Variants in RYR3 observed in about 807,000 individuals in gnomAD.
RYR3 encodes the protein brain ryanodine receptor-calcium release channel.
Under a neutral mutation model 584.3 loss-of-function variants are expected in RYR3, and 207 were observed. That is an observed-to-expected ratio of 0.35 (90% confidence interval 0.32 to 0.40). RYR3 has a LOEUF of 0.40. Ranked by LOEUF, RYR3 falls within the 10% of genes least tolerant of loss-of-function variation. The pLI is 1.00. For synonymous variants in RYR3, 2,416 were observed against 2,248.5 expected (o/e 1.07, Z -2.11); for missense variants, 5,616 against 6,089.2 (o/e 0.92, Z 2.59).
At chr15:33,517,402 C>T (rs939425546) in intron 3 of RYR3, among the ~76,000 whole-genome samples, 11 of 152,258 alleles carry the variant, frequency 7.2e-5, no homozygotes, top group African/African-American at 2.7e-4. Flanking sequence ...ACTGCTGTAA[C>T]ACTACATTGG....
At chr15:33,593,394 G>A (rs1289668193) in intron 16 of RYR3, among the ~76,000 whole-genome samples, 1 of 152,102 alleles carries the variant, frequency 6.6e-6, no homozygotes, top group East Asian at 1.9e-4. Flanking sequence ...TTTTTAGGAG[G>A]TTGTGAAGTC....
intron 1 of RYR3, among the ~76,000 whole-genome samples, chr15:33,339,898 A>AAAG (rs1320031574): frequency 1.3e-5 from 2 of 151,920 alleles, no homozygotes; most frequent in East Asian, 3.9e-4. Context: ...CAAAAAAAAA[A>AAAG]AAAAAATTGC....
chr15:33,625,432 G>A (rs1318138110), intron 20 of RYR3, among the ~76,000 whole-genome samples: 1 of 152,218 alleles, frequency 6.6e-6, no homozygotes, highest in Non-Finnish European at 1.5e-5. Flanking sequence ...AGGAAATTGA[G>A]AGGGGGTTGT....
At chr15:33,451,293 G>T (rs1186592023) in intron 1 of RYR3, among the ~76,000 whole-genome samples, 2 of 152,110 alleles carry the variant, frequency 1.3e-5, no homozygotes, top group African/African-American at 4.8e-5. Flanking sequence ...ACCCTGTTCT[G>T]CTCCTTTCTC....
chr15:33,489,537 A>C (rs1465205190), intron 2 of RYR3, among the ~76,000 whole-genome samples: 1 of 152,228 alleles, frequency 6.6e-6, no homozygotes, highest in African/African-American at 2.4e-5. Context: ...AAGACGTAAC[A>C]TCGCTCTTTT....
chr15:33,396,545 T>C (rs1449587308), intron 1 of RYR3, among the ~76,000 whole-genome samples: 1 of 152,210 alleles, frequency 6.6e-6, no homozygotes, highest in African/African-American at 2.4e-5. Flanking sequence ...CGGGGATCCC[T>C]TGGTCAGACA....
At chr15:33,355,740 T>C (rs1156482154) in intron 1 of RYR3, among the ~76,000 whole-genome samples, 1 of 152,218 alleles carries the variant, frequency 6.6e-6, no homozygotes, top group Admixed American at 6.5e-5. Context: ...AGAAGATGGC[T>C]GCTTCTCATC....
In RYR3 at chr15:33,772,102, T is replaced by C. The variant is rs772749041; in HGVS notation, c.8999T>C (p.Ile3000Thr). Residue 3000 changes from isoleucine (I) to threonine (T), a missense_variant, in exon 63 of 104, where the codon ATC (isoleucine) becomes ACC (threonine). By Grantham distance (89) the Ile-to-Thr change is moderately conservative. Coordinates refer to ENST00000634891, the MANE Select transcript of RYR3 (RefSeq NM_001036.6). ...TACACTACAGTGGCTCTGCTCCCCATCCTGACGTCCATCTTTGAGCACGTC... is the reference window on the plus strand; with the variant it reads ...TACACTACAGTGGCTCTGCTCCCCACCCTGACGTCCATCTTTGAGCACGTC... ...INYTTVALLPILTSIFEHVTQ... is the reference protein window; with the variant it reads ...INYTTVALLPTLTSIFEHVTQ... 3.1e-6 allele frequency: 5 copies of C among 1,613,660 alleles called. No individual in the cohort carries two copies. Among genetic ancestry groups the C allele is most frequent in the Non-Finnish European group, 4.2e-6 (5 of 1,179,824 alleles).
chr15:33,755,572 G>A lies in RYR3; in HGVS notation c.8515+392G>A, dbSNP rs189357398. Among the ~76,000 whole-genome samples the A allele has an allele frequency of 1.8e-3, 268 of 152,226 alleles. 1 individual carries two copies. The highest frequency in any genetic ancestry group is 1.0e-2 in the South Asian group (48 of 4,816). On this transcript the variant is annotated intron_variant, in intron 58 of 103. Transcript: ENST00000634891. ...GGGAGGCAGAGGTTGCAGTGAGATC[G>A]TGCCATTGCACTCCAGCCTGGGGAC...
Position 33,540,653 on chromosome 15 carries a change from A to G in RYR3, c.547-138A>G, listed in dbSNP as rs2055741790. ...GAAGCTGCTTCTAGATCAGGTGGAGAAATCTCCCACAGGCTGTATAGAAAG... is the reference window on the plus strand; with the variant it reads ...GAAGCTGCTTCTAGATCAGGTGGAGGAATCTCCCACAGGCTGTATAGAAAG... On this transcript the variant is annotated intron_variant, in intron 6 of 103. Transcript: ENST00000634891. 1.2e-5 allele frequency: 7 copies of G among 596,322 alleles called. No individual in the cohort carries two copies. In the East Asian group the frequency reaches 1.9e-4, roughly 17 times the overall value. The allele number at this position is 596,322 out of a possible 1,614,324, so 36.9% of individuals were successfully genotyped here. A position where few individuals can be genotyped will look rare whatever the true frequency, so the allele number is the denominator to read the frequency against.
Position 33,865,282 on chromosome 15 carries a change from T to C in RYR3, c.*56T>C. On this transcript the variant is annotated 3_prime_UTR_variant, in exon 104 of 104. Transcript: ENST00000634891. Reference sequence around the variant, plus strand: ...ACAGTCAACTTCCCATGAAATAAAGTCCCCTTTTTACAGTTCTGCAACATA... The same window carrying C: ...ACAGTCAACTTCCCATGAAATAAAGCCCCCTTTTTACAGTTCTGCAACATA... The C allele has an allele frequency of 7.7e-7, 1 of 1,299,592 alleles. No homozygotes were observed. The highest frequency in any genetic ancestry group is 1.1e-6 in the Non-Finnish European group (1 of 905,488). The allele number at this position is 1,299,592 out of a possible 1,614,324, so 80.5% of individuals were successfully genotyped here.
At chr15:33,859,803 T>G (rs1252754760) in intron 100 of RYR3, 72 bp downstream of exon 100, 1 of 1,448,200 alleles carries the variant, frequency 6.9e-7, no homozygotes, top group African/African-American at 1.4e-5. Flanking sequence ...CATCTATGAC[T>G]TAATTGGTTT....
At chr15:33,401,491 C>T (rs2042663970) in intron 1 of RYR3, among the ~76,000 whole-genome samples, 1 of 152,170 alleles carries the variant, frequency 6.6e-6, no homozygotes, top group Non-Finnish European at 1.5e-5. Context: ...TCACTGCCAG[C>T]TGAAAACTGT....
At position 33,860,188 on chromosome 15, in the gene RYR3, C is replaced by A. The variant is rs190194371; in HGVS notation, c.14300-407C>A. 5.9e-5 allele frequency among the ~76,000 whole-genome samples: 9 copies of A among 152,232 alleles called. No individual in the cohort carries two copies. The East Asian group carries it at 1.7e-3, about 29-fold the overall frequency. The stretch of plus-strand genomic sequence containing the variant: ...CTTGAGTCATGCTGAGTGGAGGAAC[C>A]TGTAAGACATGCAGGTGTTGAGGGC... On this transcript the variant is annotated intron_variant, in intron 100 of 103. Transcript: ENST00000634891.
chr15:33,513,806 A>G (rs190654236), intron 3 of RYR3, among the ~76,000 whole-genome samples: 25 of 152,344 alleles, frequency 1.6e-4, no homozygotes, highest in African/African-American at 5.8e-4. Context: ...ACTCTGAACT[A>G]AATGAGTGGC....
In RYR3 at chr15:33,750,193, A is replaced by G; in HGVS notation, c.8306A>G (p.Tyr2769Cys). Reference protein sequence around the residue: ...GGGSHPLLVPYDTLTAKEKFK... With the variant: ...GGGSHPLLVPCDTLTAKEKFK... The stretch of plus-strand genomic sequence containing the variant: ...GGCAGCCACCCTCTTCTGGTACCAT[A>G]TGACACCTTGACTGCCAAGGAAAAG... The change falls in exon 57 of 104, where the codon TAT becomes TGT. Residue 2769 changes from tyrosine (Y) to cysteine (C), a missense_variant. Tyr to Cys is a radical substitution (Grantham distance 194). Transcript: ENST00000634891. The G allele has an allele frequency of 3.7e-6, 6 of 1,609,562 alleles. No individual in the cohort carries two copies. The highest frequency in any genetic ancestry group is 5.1e-6 in the Non-Finnish European group (6 of 1,178,022).
intron 9 of RYR3, among the ~76,000 whole-genome samples, chr15:33,548,465 G>A (rs1425043776): frequency 6.6e-6 from 1 of 152,204 alleles, no homozygotes; most frequent in Admixed American, 6.5e-5. Flanking sequence ...CTCAGACAAG[G>A]CCACTGAAAG....
chr15:33,732,732 A>G (rs752118977), intron 48 of RYR3, among the ~76,000 whole-genome samples: 1 of 152,240 alleles, frequency 6.6e-6, no homozygotes, highest in Non-Finnish European at 1.5e-5. Flanking sequence ...CCCAGGCCAC[A>G]TCCGAGCCCA....
At chr15:33,738,407 C>G (rs1005857544) in intron 49 of RYR3, 43 bp from the exon 50 acceptor site, 1 of 1,574,434 alleles carries the variant, frequency 6.4e-7, no homozygotes, top group South Asian at 1.2e-5. Context: ...TGTGGACTTT[C>G]TCTATGCCAC....
Sources: gnomAD v4.1 joint callset for allele counts (sites outside exome capture counted in the v4.1 genomes callset) on GRCh38, gnomAD v4.1.1 for gene constraint, MANE v1.5 for transcripts, NCBI Gene and HGNC (gene_info 2026-07-23, HGNC 2026-07-21) for gene names.